Variants in PIEZO1 observed in about 807,000 individuals in gnomAD.
PIEZO1 encodes piezo-type mechanosensitive ion channel component 1.
Under a neutral mutation model 297.2 loss-of-function variants are expected in PIEZO1, and 296 were observed. The observed-to-expected ratio is 1.00, with a 90% CI of 0.91 to 1.10. The LOEUF (loss-of-function observed/expected upper bound fraction) is 1.10. Ranked by LOEUF, PIEZO1 falls within the 50% of genes least tolerant of loss-of-function variation. The probability of loss-of-function intolerance (pLI) is 0.00; values close to 1 mark genes in which losing one functional copy is unlikely to be tolerated. For missense variants in PIEZO1, 5,018 were observed against 3,455.5 expected, an observed-to-expected ratio of 1.45 and a Z score of -11.34; for synonymous variants, 2,427 against 1,507.5, an observed-to-expected ratio of 1.61 and a Z score of -14.13.
chr16:88,733,913 C>A lies in PIEZO1; in HGVS notation c.2322G>T (p.Val774=). 1.3e-6 allele frequency: 2 copies of A among 1,502,968 alleles called. No individual in the cohort carries two copies. The highest frequency in any genetic ancestry group is 1.3e-5 in the South Asian group (1 of 79,460). The allele number at this position is 1,502,968 out of a possible 1,614,324, so 93.1% of individuals were successfully genotyped here. Residue 774 remains valine, a synonymous_variant, in exon 17 of 51, where the codon GTG becomes GTT. Coordinates refer to ENST00000301015, the MANE Select transcript of PIEZO1 (RefSeq NM_001142864.4). The part of the protein sequence containing the change: ...GVATPHQATQ[V]PEGAAKWGLV... Reference sequence around the variant, plus strand: ...TCTGCCCGCCCAACCCACCTTCAGGCACCTGCGTGGCCTGGTGGGGAGTGG... The same window carrying A: ...TCTGCCCGCCCAACCCACCTTCAGGAACCTGCGTGGCCTGGTGGGGAGTGG...
Position 88,716,579 on chromosome 16 carries a change from G to A in PIEZO1, c.6906C>T (p.Arg2302=), listed in dbSNP as rs570953388. The change falls in exon 47 of 51, where the codon CGC becomes CGT. Residue 2302 remains arginine, a synonymous_variant. Transcript: ENST00000301015. The stretch of plus-strand genomic sequence containing the variant: ...CGAACCTCTGGAAGTTCCAGGTGAA[G>A]CGCAGGGTGATGTCGGCCGTGCCGT... ...LYNGTADITL[R]FTWNFQRDLA... The A allele has an allele frequency of 2.0e-5, 31 of 1,546,004 alleles. No individual in the cohort carries two copies. In the African/African-American group the frequency reaches 3.8e-4, roughly 19 times the overall value.
Position 88,734,808 on chromosome 16 carries a change from G to A in PIEZO1, c.1849-10C>T, listed in dbSNP as rs746410356. 6.5e-7 allele frequency: 1 copy of A among 1,550,258 alleles called. No individual in the cohort carries two copies. The highest frequency in any genetic ancestry group is 1.2e-5 in the South Asian group (1 of 84,062). ...ACAGGCTGTAGTAGACCTGCCGGGT[G>A]AGGTGGGGGTGGTGAGGACCGCGGG... On this transcript the variant is annotated splice_polypyrimidine_tract_variant and intron_variant, in intron 14 of 50. Transcript: ENST00000301015.
Position 88,735,053 on chromosome 16 carries a change from T to G in PIEZO1, c.1670A>C (p.Glu557Ala), listed in dbSNP as rs1905113846. The G allele has an allele frequency of 3.2e-6, 5 of 1,550,304 alleles. No individual in the cohort carries two copies. The highest frequency in any genetic ancestry group is 4.4e-6 in the Non-Finnish European group (5 of 1,146,890). Residue 557 changes from glutamate (E) to alanine (A), a missense_variant and splice_region_variant, in exon 14 of 51, where the codon GAG (glutamate) becomes GCG (alanine). Coordinates refer to ENST00000301015, the MANE Select transcript of PIEZO1 (RefSeq NM_001142864.4). The part of the protein sequence containing the change: ...ALTEVTVADT[E>A]PTRTQTLLQS... The stretch of plus-strand genomic sequence containing the variant: ...CAACAGCGTCTGCGTCCGCGTGGGC[T>G]CTGTGGGCCAAGCCAGGGGCAGGCG...
At chr16:88,724,746 C>T (rs1389213074) in intron 30 of PIEZO1, among the ~76,000 whole-genome samples, 4 of 152,156 alleles carry the variant, frequency 2.6e-5, no homozygotes, top group Non-Finnish European at 2.9e-5. Flanking sequence ...CAGGTGAGAT[C>T]GCTGCTCGAC....
chr16:88,768,435 C>A (rs568474380), intron 1 of PIEZO1, among the ~76,000 whole-genome samples: 2 of 152,194 alleles, frequency 1.3e-5, no homozygotes, highest in African/African-American at 2.4e-5. Context: ...AAAACCTATG[C>A]GCGTGCTCAG....
At chr16:88,749,547 C>T in intron 1 of PIEZO1, 68 bp from the exon 2 acceptor site, 1 of 1,183,318 alleles carries the variant, frequency 8.5e-7, no homozygotes, top group Middle Eastern at 2.7e-4. Context: ...GAGGACAGCG[C>T]ACCCACGGCC....
intron 2 of PIEZO1, among the ~76,000 whole-genome samples, chr16:88,747,774 C>T (rs1467293106): frequency 1.3e-5 from 2 of 152,176 alleles, no homozygotes; most frequent in African/African-American, 4.8e-5. Flanking sequence ...GGAAGTCGGC[C>T]TGGATTAGCC....
chr16:88,757,319 C>T (rs2288052), intron 1 of PIEZO1, among the ~76,000 whole-genome samples: 145 of 10,224 alleles, frequency 0.014, 2 homozygotes, highest in Non-Finnish European at 0.024. Context: ...GCGTTGCTGG[C>T]GGGGGGGTGG....
chr16:88,734,524 C>G lies in PIEZO1; in HGVS notation c.2012G>C (p.Gly671Ala). The G allele has an allele frequency of 6.5e-7, 1 of 1,542,856 alleles. No homozygotes were observed. Among genetic ancestry groups the G allele is most frequent in the South Asian group, 1.2e-5 (1 of 83,174 alleles). Reference sequence around the variant, plus strand: ...CTCGGACACGCTGAACTGCTCCAGGCCCAGGTCCCCCAGCCTGTGGAGGGG... The same window carrying G: ...CTCGGACACGCTGAACTGCTCCAGGGCCAGGTCCCCCAGCCTGTGGAGGGG... ...GFTDEQLGDL[G>A]LEQFSVSELF... Residue 671 changes from glycine to alanine, a missense_variant, in exon 16 of 51, where the codon GGC becomes GCC. Coordinates refer to ENST00000301015, the MANE Select transcript of PIEZO1 (RefSeq NM_001142864.4).
chr16:88,715,756 GGC>G lies in PIEZO1; in HGVS notation c.7413_7414del (p.Pro2472ValfsTer47). Reference sequence around the variant, plus strand: ...GAGCTTGAGGATGCGGTCCACGCACGGCAGCTCCTCGAACATAATGGAGTGCG... The same window carrying G: ...GAGCTTGAGGATGCGGTCCACGCACGAGCTCCTCGAACATAATGGAGTGCG... On this transcript the variant is annotated frameshift_variant, in exon 51 of 51. Coordinates refer to ENST00000301015, the MANE Select transcript of PIEZO1 (RefSeq NM_001142864.4). LOFTEE classifies it high-confidence loss of function. 1 of 1,550,436 alleles carries G rather than the reference GGC, an allele frequency of 6.4e-7. No homozygotes were observed. Among genetic ancestry groups the G allele is most frequent in the Non-Finnish European group, 8.7e-7 (1 of 1,146,972 alleles).
intron 1 of PIEZO1, 21 bp from the exon 2 acceptor site, chr16:88,749,500 A>T: frequency 3.3e-6 from 5 of 1,513,752 alleles, no homozygotes; most frequent in Non-Finnish European, 4.4e-6. Context: ...ATGGGCGTTA[A>T]CTAGGTCGCC....
intron 29 of PIEZO1, 125 bp downstream of exon 29, chr16:88,725,291 A>G: frequency 1.4e-6 from 1 of 709,202 alleles, no homozygotes; most frequent in South Asian, 2.0e-5. Flanking sequence ...GAGGGTGATC[A>G]TGCGGACAGG....
rs1224570967 is a variant in PIEZO1, at chr16:88,734,428, C to A, written c.2108G>T (p.Arg703Met). 6.5e-7 allele frequency: 1 copy of A among 1,550,002 alleles called. No homozygotes were observed. Among genetic ancestry groups the A allele is most frequent in the East Asian group, 2.4e-5 (1 of 40,916 alleles). The change falls in exon 16 of 51, where the codon AGG becomes ATG. Residue 703 changes from arginine to methionine, a missense_variant. Coordinates refer to ENST00000301015, the MANE Select transcript of PIEZO1 (RefSeq NM_001142864.4). ...CATGTCGGTGAGCTGCATGAAGGGCCTGTGGAAGTAGTGCAGCTGCAGGAT... is the reference window on the plus strand; with the variant it reads ...CATGTCGGTGAGCTGCATGAAGGGCATGTGGAAGTAGTGCAGCTGCAGGAT... The part of the protein sequence containing the change: ...ACILQLHYFH[R>M]PFMQLTDMEH...
chr16:88,752,958 C>T (rs1352130929), intron 1 of PIEZO1, among the ~76,000 whole-genome samples: 1 of 151,942 alleles, frequency 6.6e-6, no homozygotes, highest in Non-Finnish European at 1.5e-5. Context: ...GTCTAGGGTC[C>T]GGGGACATGG....
chr16:88,733,322 G>T lies in PIEZO1; in HGVS notation c.2620C>A (p.Leu874Ile). 6.5e-7 allele frequency: 1 copy of T among 1,549,738 alleles called. No homozygotes were observed. The highest frequency in any genetic ancestry group is 8.7e-7 in the Non-Finnish European group (1 of 1,146,428). ...TACTCCTGGGGGTTGACAACCTTGA[G>T]CTGGTACAGCATCTTACACACGATG... ...VIIVCKMLYQ[L>I]KVVNPQEYSS... Residue 874 changes from leucine (L) to isoleucine (I), a missense_variant, in exon 19 of 51, where the codon CTC becomes ATC. By Grantham distance (5) the Leu-to-Ile change is conservative (BLOSUM62 2). Coordinates refer to ENST00000301015, the MANE Select transcript of PIEZO1 (RefSeq NM_001142864.4).
In PIEZO1 at chr16:88,722,042, C is replaced by T. The variant is rs1167205759; in HGVS notation, c.4980G>A (p.Glu1660=). The T allele has an allele frequency of 2.6e-6, 4 of 1,547,482 alleles. No individual in the cohort carries two copies. Among genetic ancestry groups the T allele is most frequent in the African/African-American group, 1.4e-5 (1 of 73,006 alleles). Residue 1660 remains glutamate (E), a synonymous_variant, in exon 37 of 51, where the codon GAG becomes GAA. Transcript: ENST00000301015. The part of the protein sequence containing the change: ...LDRRLRIPEL[E]EAELFAEGQG... The stretch of plus-strand genomic sequence containing the variant: ...GCCCCTCCGCAAACAGCTCTGCCTC[C>T]TCCAGCTCTGGGATGCGCAGGCGCC...
At chr16:88,727,764 C>A (rs1904559052) in intron 22 of PIEZO1, 103 bp from the exon 23 acceptor site, 2 of 531,994 alleles carry the variant, frequency 3.8e-6, no homozygotes, top group East Asian at 6.3e-5. Context: ...CCTCAGGGTC[C>A]ATGGGAATCA....
intron 1 of PIEZO1, among the ~76,000 whole-genome samples, chr16:88,784,392 G>A (rs1038957342): frequency 6.6e-6 from 1 of 152,234 alleles, no homozygotes; most frequent in Non-Finnish European, 1.5e-5. Flanking sequence ...CCCTGGGCAC[G>A]GACGTTCGTT....
chr16:88,759,407 T>C (rs867422276), intron 1 of PIEZO1, among the ~76,000 whole-genome samples: 3 of 152,094 alleles, frequency 2.0e-5, no homozygotes, highest in Admixed American at 6.5e-5. Context: ...GGAGCCGGGG[T>C]CCTGGTCCAA....
Sources: gnomAD v4.1 joint callset for allele counts (sites outside exome capture counted in the v4.1 genomes callset) on GRCh38, gnomAD v4.1.1 for gene constraint, MANE v1.5 for transcripts, NCBI Gene and HGNC (gene_info 2026-07-23, HGNC 2026-07-21) for gene names.